Variants in LINGO2 observed in about 807,000 individuals in gnomAD.
LINGO2 encodes the protein leucine rich repeat and Ig domain containing 2.
Under a neutral mutation model 30.6 loss-of-function variants are expected in LINGO2, and 14 were observed. The observed-to-expected ratio is 0.46, with a 90% CI of 0.30 to 0.72. LINGO2 has a LOEUF of 0.72. Among genes scored for constraint, LINGO2 ranks in the 30% least tolerant of loss-of-function variants. LINGO2 has a pLI of 0.07. For missense variants in LINGO2, 729 were observed against 751.7 expected (o/e 0.97, Z 0.35); for synonymous variants, 317 against 288.5 (o/e 1.10, Z -1.00).
At chr9:28,974,562 G>C in the LINGO2 span, among the ~76,000 whole-genome samples, 3 of 152,082 alleles carry the variant, frequency 2.0e-5, no homozygotes, top group African/African-American at 7.2e-5. Flanking sequence ...AAAGTAATGG[G>C]TTATAAGATA....
the LINGO2 span, among the ~76,000 whole-genome samples, chr9:28,756,949 A>G: frequency 6.6e-6 from 1 of 152,074 alleles, no homozygotes; most frequent in African/African-American, 2.4e-5. Context: ...AAAAAAAAGA[A>G]GTGAGATATC....
At chr9:29,059,416 A>AT in the LINGO2 span, among the ~76,000 whole-genome samples, 6 of 150,248 alleles carry the variant, frequency 4.0e-5, no homozygotes, top group Non-Finnish European at 5.9e-5. Context: ...TTAAAATTAA[A>AT]AAATAAATAA....
At chr9:28,932,573 T>C in the LINGO2 span, among the ~76,000 whole-genome samples, 2 of 152,190 alleles carry the variant, frequency 1.3e-5, no homozygotes, top group South Asian at 4.1e-4. Context: ...AATCTTTACC[T>C]CTATTAAGAA....
At chr9:28,058,998 T>C (rs1195648032) in intron 4 of LINGO2, among the ~76,000 whole-genome samples, 1 of 152,086 alleles carries the variant, frequency 6.6e-6, no homozygotes, top group African/African-American at 2.4e-5. Flanking sequence ...CAAAAAAGAT[T>C]CAGAGCTCAC....
chr9:28,237,050 T>A (rs72709315), intron 4 of LINGO2, among the ~76,000 whole-genome samples: 1,931 of 142,458 alleles, frequency 0.014, 17 homozygotes, highest in Middle Eastern at 0.031. Flanking sequence ...AATAAAAAAA[T>A]TTAAAGTCAT....
chr9:28,336,100 T>C (rs2134366228), intron 3 of LINGO2, among the ~76,000 whole-genome samples: 1 of 152,234 alleles, frequency 6.6e-6, no homozygotes, highest in East Asian at 1.9e-4. Flanking sequence ...CAACATTTGG[T>C]ATTATCTTTA....
At chr9:28,963,549 C>CACACACACACAA in the LINGO2 span, among the ~76,000 whole-genome samples, 7,741 of 150,478 alleles carry the variant, frequency 0.051, 256 homozygotes, top group Non-Finnish European at 0.079. Flanking sequence ...TGAATACACA[C>CACACACACACAA]ACACACACAC....
At chr9:28,330,260 C>A (rs1349686791) in intron 3 of LINGO2, among the ~76,000 whole-genome samples, 1 of 152,146 alleles carries the variant, frequency 6.6e-6, no homozygotes, top group East Asian at 1.9e-4. Context: ...TCCTCAGCCT[C>A]TAAAATTGTG....
At chr9:28,339,921 A>G (rs886985144) in intron 3 of LINGO2, among the ~76,000 whole-genome samples, 1 of 152,140 alleles carries the variant, frequency 6.6e-6, no homozygotes, top group Non-Finnish European at 1.5e-5. Flanking sequence ...CTGTTTAGCC[A>G]TAGGTGCCTA....
chr9:28,633,819 G>C (rs898851912), intron 1 of LINGO2, among the ~76,000 whole-genome samples: 2 of 152,180 alleles, frequency 1.3e-5, no homozygotes, highest in Non-Finnish European at 2.9e-5. Context: ...CAGCCCCAAA[G>C]CCTGGAACAC....
chr9:29,072,772 C>A, the LINGO2 span, among the ~76,000 whole-genome samples: 2 of 151,192 alleles, frequency 1.3e-5, no homozygotes, highest in East Asian at 3.9e-4. Flanking sequence ...CTCTCCAATA[C>A]GGTAGCCACT....
intron 4 of LINGO2, among the ~76,000 whole-genome samples, chr9:28,112,013 T>G (rs989847044): frequency 7.5e-6 from 1 of 132,902 alleles, no homozygotes; most frequent in Non-Finnish European, 1.6e-5. Flanking sequence ...CACCCACTAA[T>G]GTGTCATCTA....
chr9:28,412,500 T>C (rs1173569611), intron 2 of LINGO2, among the ~76,000 whole-genome samples: 1 of 152,078 alleles, frequency 6.6e-6, no homozygotes, highest in East Asian at 1.9e-4. Context: ...TTGCAGATGA[T>C]AGGATCTTAC....
intron 3 of LINGO2, among the ~76,000 whole-genome samples, chr9:28,363,168 C>T (rs1820521455): frequency 6.6e-6 from 1 of 152,156 alleles, no homozygotes; most frequent in Admixed American, 6.5e-5. Context: ...AGCGTCTCTT[C>T]CAAAATGTAC....
At chr9:28,769,503 T>C in the LINGO2 span, among the ~76,000 whole-genome samples, 1 of 4,822 alleles carries the variant, frequency 2.1e-4, no homozygotes, top group African/African-American at 7.2e-4. Flanking sequence ...TATATATATA[T>C]ATATATATAT....
the LINGO2 span, among the ~76,000 whole-genome samples, chr9:28,935,934 T>G: frequency 6.6e-6 from 1 of 152,124 alleles, no homozygotes; most frequent in East Asian, 1.9e-4. Context: ...AAGAACTATG[T>G]TCTAGTAGCT....
the LINGO2 span, among the ~76,000 whole-genome samples, chr9:28,962,872 G>C: frequency 6.6e-6 from 1 of 151,364 alleles, no homozygotes; most frequent in East Asian, 1.9e-4. Flanking sequence ...ACATTCATTA[G>C]GCCATGCTCT....
chr9:29,055,949 C>CATATATGT, the LINGO2 span, among the ~76,000 whole-genome samples: 61 of 123,078 alleles, frequency 5.0e-4, no homozygotes, highest in South Asian at 1.0e-3. Context: ...TGTATATATA[C>CATATATGT]ATATATATGT....
chr9:28,552,057 C>T (rs1165686654), intron 1 of LINGO2, among the ~76,000 whole-genome samples: 1 of 151,970 alleles, frequency 6.6e-6, no homozygotes, highest in African/African-American at 2.4e-5. Context: ...GTAATAATCG[C>T]TAACTGTCAT....
Sources: allele counts gnomAD v4.1 joint callset (sites outside exome capture counted in the v4.1 genomes callset), GRCh38; gene constraint gnomAD v4.1.1; transcripts MANE v1.5; gene names NCBI Gene and HGNC (gene_info 2026-07-23, HGNC 2026-07-21).